AOPEP: variants seen among roughly 807,000 people sequenced by gnomAD.
AOPEP encodes aminopeptidase O (putative).
AOPEP carries 77 observed loss-of-function variants against 98.1 expected under a neutral mutation model. That is an observed-to-expected ratio of 0.78 (90% CI 0.65 to 0.95). The LOEUF is 0.95. AOPEP is among the 40% of genes least tolerant of loss of function. AOPEP has a pLI of 0.00. For missense variants in AOPEP, 1,024 were observed against 1,024.7 expected, an observed-to-expected ratio of 1.00 and a Z score of 0.01; for synonymous variants, 346 against 365.3, an observed-to-expected ratio of 0.95 and a Z score of 0.60.
At chr9:95,138,212 G>A in the AOPEP span, among the ~76,000 whole-genome samples, 1 of 152,272 alleles carries the variant, frequency 6.6e-6, no homozygotes, top group Non-Finnish European at 1.5e-5. Flanking sequence ...AAGCCAGGGC[G>A]GCTGAGGTTG....
intron 5 of AOPEP, among the ~76,000 whole-genome samples, chr9:94,917,717 A>G (rs2053033127): frequency 2.6e-5 from 4 of 151,986 alleles, no homozygotes; most frequent in Admixed American, 2.6e-4. Context: ...TCATCTTGTT[A>G]GCTGCCTCCC....
At chr9:94,989,015 TCTC>T (rs1469529042) in intron 11 of AOPEP, among the ~76,000 whole-genome samples, 4 of 151,858 alleles carry the variant, frequency 2.6e-5, no homozygotes, top group African/African-American at 9.7e-5. Flanking sequence ...TTCAAGCAAT[TCTC>T]CTGCCTCAGC....
chr9:95,080,388 G>T (rs1178943241), intron 14 of AOPEP, among the ~76,000 whole-genome samples: 1 of 152,136 alleles, frequency 6.6e-6, no homozygotes, highest in Non-Finnish European at 1.5e-5. Flanking sequence ...ATGATGGCAG[G>T]TGCCTGTAAT....
intron 5 of AOPEP, among the ~76,000 whole-genome samples, chr9:94,878,884 T>C (rs1041931834): frequency 6.6e-6 from 1 of 152,096 alleles, no homozygotes; most frequent in Non-Finnish European, 1.5e-5. Context: ...AGAGAAAGAG[T>C]AATTCACGCA....
At chr9:94,969,284 C>T (rs192718623) in intron 10 of AOPEP, among the ~76,000 whole-genome samples, 2 of 152,008 alleles carry the variant, frequency 1.3e-5, no homozygotes, top group East Asian at 3.9e-4. Flanking sequence ...TTTAGGCTGG[C>T]TGACCACCGA....
chr9:95,046,199 A>T (rs1228945530), intron 13 of AOPEP, among the ~76,000 whole-genome samples: 1 of 152,254 alleles, frequency 6.6e-6, no homozygotes, highest in African/African-American at 2.4e-5. Context: ...TGCTTATCTG[A>T]AATGGAAATA....
chr9:95,031,432 C>G lies in AOPEP; in HGVS notation c.2115+25816C>G, dbSNP rs535606736. ...CACGTGTACCCAGAATGCCAGAACA[C>G]GACGTCATCTAGGTCTTCATTTTAG... On this transcript the variant is annotated intron_variant, in intron 13 of 16. Transcript: ENST00000375315. 5.3e-5 allele frequency among the ~76,000 whole-genome samples: 8 copies of G among 152,208 alleles called. 1 individual carries two copies. Among genetic ancestry groups the G allele is most frequent in the African/African-American group, 1.9e-4 (8 of 41,524 alleles).
chr9:94,747,016 C>T (rs1052743306), intron 1 of AOPEP, among the ~76,000 whole-genome samples: 1 of 148,708 alleles, frequency 6.7e-6, no homozygotes, highest in African/African-American at 2.5e-5. Context: ...TTTTATAATT[C>T]CCACAACAGC....
At chr9:94,983,116 C>T (rs1482826929) in intron 11 of AOPEP, among the ~76,000 whole-genome samples, 1 of 152,178 alleles carries the variant, frequency 6.6e-6, no homozygotes, top group African/African-American at 2.4e-5. Context: ...CAACCTCCAC[C>T]TCCCAGGTTC....
intron 5 of AOPEP, among the ~76,000 whole-genome samples, chr9:94,836,012 A>G (rs1012552358): frequency 6.6e-6 from 1 of 152,194 alleles, no homozygotes; most frequent in Non-Finnish European, 1.5e-5. Context: ...GGTACAGGGT[A>G]GGGATGCTTA....
chr9:94,951,512 T>A (rs1483302469), intron 7 of AOPEP, among the ~76,000 whole-genome samples: 1 of 152,182 alleles, frequency 6.6e-6, no homozygotes, highest in Admixed American at 6.5e-5. Context: ...CAGGATCTTA[T>A]GAGGGAAGAG....
intron 14 of AOPEP, among the ~76,000 whole-genome samples, chr9:95,071,272 G>A (rs1165706581): frequency 6.7e-6 from 1 of 148,954 alleles, no homozygotes; most frequent in Non-Finnish European, 1.5e-5. Context: ...TTTGAGTGCT[G>A]ACATGACCCT....
chr9:94,799,295 C>T (rs1205202337), intron 4 of AOPEP, among the ~76,000 whole-genome samples: 1 of 152,134 alleles, frequency 6.6e-6, no homozygotes, highest in Non-Finnish European at 1.5e-5. Context: ...TGGCTCATGC[C>T]TATGATTCCA....
intron 14 of AOPEP, among the ~76,000 whole-genome samples, chr9:95,073,960 T>C (rs1172768904): frequency 2.0e-5 from 3 of 152,246 alleles, no homozygotes; most frequent in Non-Finnish European, 2.9e-5. Flanking sequence ...CTATATGTTC[T>C]ACATATACAC....
At chr9:94,835,165 C>A (rs1015507160) in intron 5 of AOPEP, among the ~76,000 whole-genome samples, 7 of 152,100 alleles carry the variant, frequency 4.6e-5, no homozygotes, top group Non-Finnish European at 1.5e-5. Flanking sequence ...AATAACTTTC[C>A]CTTCCCCCCA....
At chr9:94,887,036 G>A (rs934724149) in intron 5 of AOPEP, among the ~76,000 whole-genome samples, 11 of 152,172 alleles carry the variant, frequency 7.2e-5, no homozygotes, top group East Asian at 1.9e-4. Context: ...ATGAGTGGGC[G>A]TAGTTTAACT....
At chr9:94,890,581 A>G (rs900744111) in intron 5 of AOPEP, among the ~76,000 whole-genome samples, 1 of 152,110 alleles carries the variant, frequency 6.6e-6, no homozygotes, top group African/African-American at 2.4e-5. Context: ...TTTTTAAAAA[A>G]TTGTTTGTAG....
chr9:94,739,357 A>C (rs1192155413), intron 1 of AOPEP, among the ~76,000 whole-genome samples: 1 of 152,054 alleles, frequency 6.6e-6, no homozygotes, highest in Non-Finnish European at 1.5e-5. Flanking sequence ...AAAGATTTGG[A>C]GTGTTGGCTG....
chr9:94,800,149 A>C (rs899922389), intron 4 of AOPEP, among the ~76,000 whole-genome samples: 6 of 152,208 alleles, frequency 3.9e-5, no homozygotes, highest in African/African-American at 1.4e-4. Flanking sequence ...ATACTGTATC[A>C]AAAGTGCCTC....
Sources: allele counts gnomAD v4.1 joint callset (sites outside exome capture counted in the v4.1 genomes callset), GRCh38; gene constraint gnomAD v4.1.1; transcripts MANE v1.5; gene names NCBI Gene and HGNC (gene_info 2026-07-23, HGNC 2026-07-21).